MYD88: variants seen among roughly 807,000 people sequenced by gnomAD.
MYD88 encodes myeloid differentiation primary response protein MyD88.
A neutral mutation model predicts 31.1 loss-of-function variants in MYD88; 15 were observed. The ratio of observed to expected loss-of-function variants is 0.48; its 90% confidence interval spans 0.32 to 0.74. The LOEUF (loss-of-function observed/expected upper bound fraction) is 0.74. Ranked by LOEUF, MYD88 falls within the 30% of genes least tolerant of loss-of-function variation. MYD88 has a pLI of 0.03. For synonymous variants in MYD88, 157 were observed against 158.8 expected (o/e 0.99, Z 0.08); for missense variants, 308 against 387.4 (o/e 0.79, Z 1.72).
intron 3 of MYD88, 28 bp downstream of exon 3, chr3:38,140,596 C>A (rs371128164): frequency 6.2e-7 from 1 of 1,613,688 alleles, no homozygotes; most frequent in Non-Finnish European, 8.5e-7. Context: ...GGGGTGGGTG[C>A]GTGGATGCAT....
At position 38,139,965 on chromosome 3, in the gene MYD88, C is replaced by T. The variant is rs756153218; in HGVS notation, c.430C>T (p.Leu144=). Residue 144 remains leucine (L), a synonymous_variant, in exon 2 of 5, where the codon CTG becomes TTG. Transcript: ENST00000650905. The surrounding 1 kb of genome is among the most constrained non-coding windows in gnomAD (Gnocchi z 4.7). The part of the protein sequence containing the change: ...VDSSVPRTAE[L]AGITTLDDPL... ...CAGCAGTGTCCCACGGACAGCAGAG[C>T]TGGCGGGCATCACCACACTTGATGA... is the stretch of plus-strand genomic sequence containing the variant. 1.4e-5 allele frequency: 22 copies of T among 1,613,730 alleles called. No homozygotes were observed. Among genetic ancestry groups the T allele is most frequent in the Non-Finnish European group, 1.9e-5 (22 of 1,179,950 alleles).
rs1417104997 is a variant in MYD88, at chr3:38,141,504, T to C, written c.*218T>C. On this transcript the variant is annotated 3_prime_UTR_variant, in exon 5 of 5. Coordinates refer to ENST00000650905, the MANE Select transcript of MYD88 (RefSeq NM_002468.5). ...AGTGGCATGTCCACTTGCTGGATTA[T>C]CAGCCAGGACACTATAGAACAGGAC... The C allele has an allele frequency of 3.0e-6, 2 of 662,816 alleles. No homozygotes were observed. Among genetic ancestry groups the C allele is most frequent in the South Asian group, 1.7e-5 (1 of 58,548 alleles). The allele number at this position is 662,816 out of a possible 1,614,324, so 41.1% of individuals were successfully genotyped here. A position where few individuals can be genotyped will look rare whatever the true frequency, so the allele number is the denominator to read the frequency against.
chr3:38,139,195 C>T lies in MYD88; in HGVS notation c.328+167C>T. The T allele has an allele frequency of 2.1e-6, 2 of 964,606 alleles. No homozygotes were observed. Among genetic ancestry groups the T allele is most frequent in the Non-Finnish European group, 3.0e-6 (2 of 671,820 alleles). The allele number at this position is 964,606 out of a possible 1,614,324, so 59.8% of individuals were successfully genotyped here. On this transcript the variant is annotated intron_variant, in intron 1 of 4. Transcript: ENST00000650905. This position sits in a 1 kb window ranked among gnomAD's most constrained non-coding sequence, Gnocchi z 4.7. ...GTCCCGTTCCTTCTTAATAACCGGTCGCGGTTATTAAGAAGGACTGGAGAA... is the reference window on the plus strand; with the variant it reads ...GTCCCGTTCCTTCTTAATAACCGGTTGCGGTTATTAAGAAGGACTGGAGAA...
rs1453415929 is a variant in MYD88, at chr3:38,139,310, A to T, written c.328+282A>T. The T allele has an allele frequency of 2.6e-5, 14 of 543,802 alleles. No individual in the cohort carries two copies. The East Asian group carries it at 4.4e-4, about 17-fold the overall frequency. 33.7% of individuals were successfully genotyped at this position (543,802 alleles called of 1,614,324 possible). On this transcript the variant is annotated intron_variant, in intron 1 of 4. Coordinates refer to ENST00000650905, the MANE Select transcript of MYD88 (RefSeq NM_002468.5). This position sits in a 1 kb window ranked among gnomAD's most constrained non-coding sequence, Gnocchi z 4.7. ...GTCAGAATCAGGCTTCTGTGGGGGC[A>T]TCTGGGCTGTTTCAAGTAGAGCAAC... is the stretch of plus-strand genomic sequence containing the variant.
chr3:38,139,238 G>T lies in MYD88; in HGVS notation c.328+210G>T. On this transcript the variant is annotated intron_variant, in intron 1 of 4. Transcript: ENST00000650905. This position sits in a 1 kb window ranked among gnomAD's most constrained non-coding sequence, Gnocchi z 4.7. ...CTGGAGAAAGGTCCGGATAGGCGGA[G>T]ATGGGAAGGAAGCAGCTTAGGCAGA... 1.5e-6 allele frequency: 1 copy of T among 686,248 alleles called. No homozygotes were observed. The highest frequency in any genetic ancestry group is 2.4e-6 in the Non-Finnish European group (1 of 419,120). The allele number at this position is 686,248 out of a possible 1,614,324, so 42.5% of individuals were successfully genotyped here.
chr3:38,140,311 G>A (rs1212592092), intron 2 of MYD88, 77 bp from the exon 3 acceptor site: 2 of 1,536,568 alleles, frequency 1.3e-6, no homozygotes, highest in Non-Finnish European at 1.8e-6. Flanking sequence ...GGGTTGCCTA[G>A]GCAGGGGACT....
chr3:38,140,924 C>A, intron 4 of MYD88, 76 bp downstream of exon 4: 1 of 1,468,136 alleles, frequency 6.8e-7, no homozygotes, highest in Non-Finnish European at 9.5e-7. Context: ...CCTTCCCTCC[C>A]CAAGGACTGT....
chr3:38,139,184 T>A lies in MYD88; in HGVS notation c.328+156T>A. 9.6e-7 allele frequency: 1 copy of A among 1,037,384 alleles called. No individual in the cohort carries two copies. The highest frequency in any genetic ancestry group is 1.4e-6 in the Non-Finnish European group (1 of 737,710). The allele number at this position is 1,037,384 out of a possible 1,614,324, so 64.3% of individuals were successfully genotyped here. A position where few individuals can be genotyped will look rare whatever the true frequency, so the allele number is the denominator to read the frequency against. ...GAACCATGCGGGTCCCGTTCCTTCT[T>A]AATAACCGGTCGCGGTTATTAAGAA... is the stretch of plus-strand genomic sequence containing the variant. On this transcript the variant is annotated intron_variant, in intron 1 of 4. Coordinates refer to ENST00000650905, the MANE Select transcript of MYD88 (RefSeq NM_002468.5). This position sits in a 1 kb window ranked among gnomAD's most constrained non-coding sequence, Gnocchi z 4.7.
chr3:38,139,129 C>T lies in MYD88; in HGVS notation c.328+101C>T. On this transcript the variant is annotated intron_variant, in intron 1 of 4. Coordinates refer to ENST00000650905, the MANE Select transcript of MYD88 (RefSeq NM_002468.5). This position sits in a 1 kb window ranked among gnomAD's most constrained non-coding sequence, Gnocchi z 4.7. ...CCCATGGAGAGACCCCATTTCCTGC[C>T]TCGGGGGCCCGAAGAAGCCTGCAGA... 2 of 1,431,526 alleles carry T rather than the reference C, an allele frequency of 1.4e-6. No homozygotes were observed. The highest frequency in any genetic ancestry group is 9.2e-7 in the Non-Finnish European group (1 of 1,084,148). The allele number at this position is 1,431,526 out of a possible 1,614,324, so 88.7% of individuals were successfully genotyped here.
At position 38,138,691 on chromosome 3, in the gene MYD88, A is replaced by G. The variant is rs1575273230; in HGVS notation, c.-10A>G. The stretch of plus-strand genomic sequence containing the variant: ...GACCCGACCGCGCTGAGGCTCCAGG[A>G]CCGCCCGCCATGGCTGCAGGAGGTC... On this transcript the variant is annotated 5_prime_UTR_variant, in exon 1 of 5. Coordinates refer to ENST00000650905, the MANE Select transcript of MYD88 (RefSeq NM_002468.5). This position sits in a 1 kb window ranked among gnomAD's most constrained non-coding sequence, Gnocchi z 6.4. 3 of 1,596,004 alleles carry G rather than the reference A, an allele frequency of 1.9e-6. No homozygotes were observed. Among genetic ancestry groups the G allele is most frequent in the Non-Finnish European group, 2.6e-6 (3 of 1,169,606 alleles).
chr3:38,142,848 C>A lies in MYD88; in HGVS notation c.*1562C>A, dbSNP rs990172761. On this transcript the variant is annotated 3_prime_UTR_variant, in exon 5 of 5. Transcript: ENST00000650905. ...CATTTAGCTGCCATGCACCTGTCCC[C>A]CTTTAATACTGGGCATTTTAAAGCC... 7 of 233,146 alleles carry A rather than the reference C, an allele frequency of 3.0e-5. No homozygotes were observed. Among genetic ancestry groups the A allele is most frequent in the Non-Finnish European group, 5.9e-5 (7 of 118,068 alleles). 14.4% of individuals were successfully genotyped at this position (233,146 alleles called of 1,614,324 possible). A position where few individuals can be genotyped will look rare whatever the true frequency, so the allele number is the denominator to read the frequency against.
At position 38,140,131 on chromosome 3, in the gene MYD88, A is replaced by G. The variant is rs1701038691; in HGVS notation, c.463+133A>G. The G allele has an allele frequency of 1.7e-5, 21 of 1,208,174 alleles. No individual in the cohort carries two copies. The South Asian group carries it at 2.6e-4, about 15-fold the overall frequency. 74.8% of individuals were successfully genotyped at this position (1,208,174 alleles called of 1,614,324 possible). A position where few individuals can be genotyped will look rare whatever the true frequency, so the allele number is the denominator to read the frequency against. On this transcript the variant is annotated intron_variant, in intron 2 of 4. Coordinates refer to ENST00000650905, the MANE Select transcript of MYD88 (RefSeq NM_002468.5). ...AATCTTTCTGAGCCTCAGTTTCCTC[A>G]CCTAAGAAATGGAGATAATAGTCCT...
In MYD88 at chr3:38,142,620, C is replaced by T; in HGVS notation, c.*1334C>T. The T allele has an allele frequency of 4.3e-6, 1 of 233,330 alleles. No homozygotes were observed. Among genetic ancestry groups the T allele is most frequent in the East Asian group, 6.0e-5 (1 of 16,600 alleles). 14.5% of individuals were successfully genotyped at this position (233,330 alleles called of 1,614,324 possible). On this transcript the variant is annotated 3_prime_UTR_variant, in exon 5 of 5. Coordinates refer to ENST00000650905, the MANE Select transcript of MYD88 (RefSeq NM_002468.5). ...TTCTCTCCCTCTCTCCTTCCCAGAGCAATTTATACTTTACCCTCAGGCTGT... is the reference window on the plus strand; with the variant it reads ...TTCTCTCCCTCTCTCCTTCCCAGAGTAATTTATACTTTACCCTCAGGCTGT...
Position 38,141,737 on chromosome 3 carries a change from A to AT in MYD88, c.*452dup. 2.5e-6 allele frequency: 1 copy of AT among 392,386 alleles called. No homozygotes were observed. Among genetic ancestry groups the AT allele is most frequent in the South Asian group, 2.8e-5 (1 of 35,624 alleles). 24.3% of individuals were successfully genotyped at this position (392,386 alleles called of 1,614,324 possible). On this transcript the variant is annotated 3_prime_UTR_variant, in exon 5 of 5. Transcript: ENST00000650905. ...GGAGAGCTGGCTGTTGCTGGACTACATGCTGGCCACTGCTGTGACCACGAC... is the reference window on the plus strand; with the variant it reads ...GGAGAGCTGGCTGTTGCTGGACTACATTGCTGGCCACTGCTGTGACCACGAC...
In MYD88 at chr3:38,141,305, G is replaced by T. The variant is rs1179175771; in HGVS notation, c.*19G>T. 1.2e-6 allele frequency: 2 copies of T among 1,614,180 alleles called. No homozygotes were observed. The highest frequency in any genetic ancestry group is 3.3e-5 in the Admixed American group (2 of 60,038). Reference sequence around the variant, plus strand: ...GCCCTGAAGACTGTTCTGAGGCCCTGGGTGTGTGTGTATCTGTCTGCCTGT... The same window carrying T: ...GCCCTGAAGACTGTTCTGAGGCCCTTGGTGTGTGTGTATCTGTCTGCCTGT... On this transcript the variant is annotated 3_prime_UTR_variant, in exon 5 of 5. Transcript: ENST00000650905.
Position 38,139,285 on chromosome 3 carries a change from G to C in MYD88, c.328+257G>C. Reference sequence around the variant, plus strand: ...CAGAGGCTTTCAGGTAGGGCCAGGAGTCAGAATCAGGCTTCTGTGGGGGCA... The same window carrying C: ...CAGAGGCTTTCAGGTAGGGCCAGGACTCAGAATCAGGCTTCTGTGGGGGCA... On this transcript the variant is annotated intron_variant, in intron 1 of 4. Transcript: ENST00000650905. The surrounding 1 kb of genome is among the most constrained non-coding windows in gnomAD (Gnocchi z 4.7). 1.7e-6 allele frequency: 1 copy of C among 575,330 alleles called. No homozygotes were observed. Among genetic ancestry groups the C allele is most frequent in the South Asian group, 2.2e-5 (1 of 45,676 alleles). 35.6% of individuals were successfully genotyped at this position (575,330 alleles called of 1,614,324 possible).
rs1156277491 is a variant in MYD88, at chr3:38,142,376, C to T, written c.*1090C>T. ...CACACGTTTTTCTAGGTACAGCTCC[C>T]AGGAACAGCTAGGTGGGAAAGTCCC... On this transcript the variant is annotated 3_prime_UTR_variant, in exon 5 of 5. Coordinates refer to ENST00000650905, the MANE Select transcript of MYD88 (RefSeq NM_002468.5). The T allele has an allele frequency of 4.3e-6, 1 of 233,180 alleles. No individual in the cohort carries two copies. Among genetic ancestry groups the T allele is most frequent in the Non-Finnish European group, 8.5e-6 (1 of 118,090 alleles). The allele number at this position is 233,180 out of a possible 1,614,324, so 14.4% of individuals were successfully genotyped here. A position where few individuals can be genotyped will look rare whatever the true frequency, so the allele number is the denominator to read the frequency against.
rs1326146628 is a variant in MYD88 at position 38,138,880 on chromosome 3, G to A, written c.180G>A (p.Glu60=). 6.2e-7 allele frequency: 1 copy of A among 1,613,756 alleles called. No individual in the cohort carries two copies. The highest frequency in any genetic ancestry group is 8.5e-7 in the Non-Finnish European group (1 of 1,180,024). ...LAEEMDFEYL[E]IRQLETQADP... ...AGGAGATGGACTTTGAGTACTTGGA[G>A]ATCCGGCAACTGGAGACACAAGCGG... Residue 60 remains glutamate, a synonymous_variant, in exon 1 of 5, where the codon GAG becomes GAA. Coordinates refer to ENST00000650905, the MANE Select transcript of MYD88 (RefSeq NM_002468.5). The surrounding 1 kb of genome is among the most constrained non-coding windows in gnomAD (Gnocchi z 6.4).
Position 38,138,800 on chromosome 3 carries a change from T to C in MYD88, c.100T>C (p.Ser34Pro). 6.2e-7 allele frequency: 1 copy of C among 1,613,550 alleles called. No individual in the cohort carries two copies. The highest frequency in any genetic ancestry group is 8.5e-7 in the Non-Finnish European group (1 of 1,179,978). ...CAACATGCGAGTGCGGCGCCGCCTG[T>C]CTCTGTTCTTGAACGTGCGGACACA... Reference protein sequence around the residue: ...ALNMRVRRRLSLFLNVRTQVA... With the variant: ...ALNMRVRRRLPLFLNVRTQVA... Residue 34 changes from serine (S) to proline (P), a missense_variant, in exon 1 of 5, where the codon TCT becomes CCT. Ser to Pro is a moderately conservative substitution (Grantham distance 74, BLOSUM62 -1). Coordinates refer to ENST00000650905, the MANE Select transcript of MYD88 (RefSeq NM_002468.5). The surrounding 1 kb of genome is among the most constrained non-coding windows in gnomAD (Gnocchi z 6.4).
Sources: allele counts gnomAD v4.1 joint callset, GRCh38; gene constraint gnomAD v4.1.1; non-coding constraint Gnocchi (gnomAD v3.1); transcripts MANE v1.5; gene names NCBI Gene and HGNC (gene_info 2026-07-23, HGNC 2026-07-21).